PCDHGA4: variants seen among roughly 807,000 people sequenced by gnomAD.
PCDHGA4 encodes protocadherin gamma-A4.
Under a neutral mutation model 54.6 loss-of-function variants are expected in PCDHGA4, and 38 were observed. The observed-to-expected ratio is 0.70, with a 90% CI of 0.54 to 0.91. The LOEUF (loss-of-function observed/expected upper bound fraction) is 0.91, where lower values mean the gene tolerates loss of function less well. Among genes scored for constraint, PCDHGA4 ranks in the 40% least tolerant of loss-of-function variants. PCDHGA4 has a pLI of 0.00. For missense variants in PCDHGA4, 1,298 were observed against 1,220.9 expected, an observed-to-expected ratio of 1.06 and a Z score of -0.94; for synonymous variants, 511 against 512.9, an observed-to-expected ratio of 1.00 and a Z score of 0.05.
chr5:141,414,173 C>A, intron 1 of PCDHGA4: 1 of 1,606,526 alleles, frequency 6.2e-7, no homozygotes. Context: ...GCATATCTTG[C>A]AACTGCAAAA....
rs1193457334 is a variant in PCDHGA4 at position 141,375,486 on chromosome 5, G to T, written c.2514+17865G>T. The T allele has an allele frequency of 5.0e-6, 8 of 1,613,914 alleles. No homozygotes were observed. Among genetic ancestry groups the T allele is most frequent in the Non-Finnish European group, 6.8e-6 (8 of 1,179,980 alleles). ...TATGTCCTTGAAAACAACCCCAGGG[G>T]TGCCTCCATCTTCTCTGTGAATGCA... is the stretch of plus-strand genomic sequence containing the variant. On this transcript the variant is annotated intron_variant, in intron 1 of 3. Coordinates refer to ENST00000571252, the MANE Select transcript of PCDHGA4 (RefSeq NM_018917.4).
At chr5:141,392,247 T>C (rs1228504452) in intron 1 of PCDHGA4, 1 of 152,196 alleles carries the variant, frequency 6.6e-6, no homozygotes, top group Non-Finnish European at 1.5e-5. Context: ...TATTTGTTAG[T>C]ATATATTGGA....
chr5:141,381,354 G>A (rs1163041754), intron 1 of PCDHGA4, among the ~76,000 whole-genome samples: 1 of 152,202 alleles, frequency 6.6e-6, no homozygotes, highest in Non-Finnish European at 1.5e-5. Context: ...CTTTCTGCTA[G>A]CAGAGGGTAG....
At chr5:141,475,146 G>A (rs938308425) in intron 1 of PCDHGA4, among the ~76,000 whole-genome samples, 3 of 152,014 alleles carry the variant, frequency 2.0e-5, no homozygotes, top group African/African-American at 4.8e-5. Context: ...AATCTTCTCC[G>A]TCTTCTTCTT....
intron 1 of PCDHGA4, chr5:141,402,911 C>T: frequency 1.3e-6 from 2 of 1,551,976 alleles, no homozygotes; most frequent in South Asian, 1.2e-5. Context: ...TGAAGCAGCG[C>T]GCACAGAGAT....
At chr5:141,409,423 T>C in intron 1 of PCDHGA4, 1 of 1,614,026 alleles carries the variant, frequency 6.2e-7, no homozygotes. Flanking sequence ...TGGTGACAGA[T>C]GGAGCCCTGG....
intron 1 of PCDHGA4, chr5:141,376,535 G>A (rs1194313716): frequency 6.2e-7 from 1 of 1,613,586 alleles, no homozygotes; most frequent in South Asian, 1.1e-5. Context: ...TAAGCGGGAA[G>A]AGTAATCTGA....
At chr5:141,370,928 C>T in intron 1 of PCDHGA4, 1 of 1,613,992 alleles carries the variant, frequency 6.2e-7, no homozygotes, top group Non-Finnish European at 8.5e-7. Context: ...ATCCGCACTT[C>T]TCTTTGATTC....
At chr5:141,389,725 T>A in intron 1 of PCDHGA4, 1 of 1,612,726 alleles carries the variant, frequency 6.2e-7, no homozygotes, top group South Asian at 1.1e-5. Flanking sequence ...GAGCCCGGGC[T>A]CTTCAGCCTG....
chr5:141,356,309 A>G lies in PCDHGA4; in HGVS notation c.1202A>G (p.Asn401Ser), dbSNP rs1276451219. ...SSPGTVIALFNVHDSDSGGNG... is the reference protein window; with the variant it reads ...SSPGTVIALFSVHDSDSGGNG... ...CCGGGTACAGTAATTGCACTTTTCA[A>G]CGTGCATGACAGTGACTCAGGAGGA... is the stretch of plus-strand genomic sequence containing the variant. The change falls in exon 1 of 4, where the codon AAC becomes AGC. Residue 401 changes from asparagine to serine, a missense_variant. Transcript: ENST00000571252. 1 of 1,554,284 alleles carries G rather than the reference A, an allele frequency of 6.4e-7. No homozygotes were observed. The highest frequency in any genetic ancestry group is 8.7e-7 in the Non-Finnish European group (1 of 1,148,292).
intron 1 of PCDHGA4, chr5:141,405,458 T>C (rs2094670240): frequency 2.4e-6 from 3 of 1,231,152 alleles, no homozygotes; most frequent in Non-Finnish European, 2.3e-6. Flanking sequence ...CTTACTCTGT[T>C]ACCCAGGCTG....
At chr5:141,465,812 T>A (rs533291720) in intron 1 of PCDHGA4, among the ~76,000 whole-genome samples, 1 of 152,082 alleles carries the variant, frequency 6.6e-6, no homozygotes, top group South Asian at 2.1e-4. Flanking sequence ...TTCAGGATCT[T>A]GATCACATTT....
At position 141,485,222 on chromosome 5, in the gene PCDHGA4, C is replaced by T; in HGVS notation, c.2515-9585C>T. On this transcript the variant is annotated intron_variant, in intron 1 of 3. Transcript: ENST00000571252. The surrounding 1 kb of genome is among the most constrained non-coding windows in gnomAD (Gnocchi z 5.7). The stretch of plus-strand genomic sequence containing the variant: ...GACAGAAATCTGGCGGTGGGCTACC[C>T]TTTTGTTCCTCTTTTACCACCTGGG... 4 of 1,614,196 alleles carry T rather than the reference C, an allele frequency of 2.5e-6. No homozygotes were observed. Among genetic ancestry groups the T allele is most frequent in the Non-Finnish European group, 2.5e-6 (3 of 1,180,020 alleles).
At chr5:141,375,453 A>C in intron 1 of PCDHGA4, 1 of 1,613,612 alleles carries the variant, frequency 6.2e-7, no homozygotes, top group South Asian at 1.1e-5. Flanking sequence ...CATTCATCCT[A>C]CTCAGTCTAT....
chr5:141,478,642 T>A (rs777741719), intron 1 of PCDHGA4: 1 of 1,552,350 alleles, frequency 6.4e-7, no homozygotes, highest in South Asian at 1.2e-5. Context: ...GTGATGAAGA[T>A]GTTTTCCTGG....
Position 141,427,950 on chromosome 5 carries a change from A to C in PCDHGA4, c.2515-66857A>C, listed in dbSNP as rs773336611. The stretch of plus-strand genomic sequence containing the variant: ...CATGTTGGTGGGCGACCTCAATGAC[A>C]ATGTGCCGCGGGTGCTGTACCCCGC... On this transcript the variant is annotated intron_variant, in intron 1 of 3. Transcript: ENST00000571252. 7 of 1,586,816 alleles carry C rather than the reference A, an allele frequency of 4.4e-6. No individual in the cohort carries two copies. The African/African-American group carries it at 8.1e-5, about 18-fold the overall frequency.
At chr5:141,479,633 T>TAACAAC (rs749744124) in intron 1 of PCDHGA4, 1 of 152,114 alleles carries the variant, frequency 6.6e-6, no homozygotes, top group Admixed American at 6.5e-5. Flanking sequence ...TCTTTAACAA[T>TAACAAC]AACAACAACA....
intron 1 of PCDHGA4, chr5:141,371,473 C>T: frequency 6.2e-7 from 1 of 1,613,958 alleles, no homozygotes; most frequent in Admixed American, 1.7e-5. Flanking sequence ...CAAGAAGATG[C>T]TGAGCTGGGG....
intron 1 of PCDHGA4, chr5:141,420,275 G>A: frequency 1.3e-6 from 2 of 1,524,576 alleles, no homozygotes; most frequent in Non-Finnish European, 1.8e-6. Flanking sequence ...TCTTAAACAG[G>A]TAAGTATTTA....
Sources: allele counts gnomAD v4.1 joint callset (sites outside exome capture counted in the v4.1 genomes callset), GRCh38; gene constraint gnomAD v4.1.1; non-coding constraint Gnocchi (gnomAD v3.1); transcripts MANE v1.5; gene names NCBI Gene and HGNC (gene_info 2026-07-23, HGNC 2026-07-21).